LINGO2: variants seen among roughly 807,000 people sequenced by gnomAD.
LINGO2 encodes leucine rich repeat and Ig domain containing 2, also known as leucine-rich repeat and immunoglobulin-like domain-containing nogo receptor-interacting protein 2.
In LINGO2, 14 loss-of-function variants were observed where a neutral mutation model predicts 30.6. That is an observed-to-expected ratio of 0.46 (90% CI 0.30 to 0.72). The LOEUF (loss-of-function observed/expected upper bound fraction) is 0.72, where lower values mean the gene tolerates loss of function less well. Ranked by LOEUF, LINGO2 falls within the 30% of genes least tolerant of loss-of-function variation. The pLI, the probability that LINGO2 is intolerant of heterozygous loss-of-function variation, is 0.07. For missense variants in LINGO2, 729 were observed against 751.7 expected, an observed-to-expected ratio of 0.97 and a Z score of 0.35; for synonymous variants, 317 against 288.5, an observed-to-expected ratio of 1.10 and a Z score of -1.00.
At chr9:28,986,566 T>C in the LINGO2 span, among the ~76,000 whole-genome samples, 3 of 152,034 alleles carry the variant, frequency 2.0e-5, no homozygotes, top group Non-Finnish European at 4.4e-5. Context: ...TGTTTTATAG[T>C]TTTCAATATA....
intron 4 of LINGO2, among the ~76,000 whole-genome samples, chr9:28,140,054 C>A (rs1443114654): frequency 6.6e-6 from 1 of 152,186 alleles, no homozygotes; most frequent in Non-Finnish European, 1.5e-5. Flanking sequence ...ACAAGGTAAC[C>A]TTTGTCCCTC....
At chr9:29,142,614 A>G in the LINGO2 span, among the ~76,000 whole-genome samples, 11 of 151,932 alleles carry the variant, frequency 7.2e-5, no homozygotes, top group African/African-American at 2.4e-4. Context: ...AGACACTAAT[A>G]TCAACAACTA....
intron 4 of LINGO2, among the ~76,000 whole-genome samples, chr9:28,199,861 C>G (rs917273680): frequency 2.0e-5 from 3 of 151,638 alleles, no homozygotes; most frequent in African/African-American, 7.3e-5. Context: ...ACAATATTAC[C>G]ATCCGATAAT....
At chr9:28,793,766 A>G in the LINGO2 span, among the ~76,000 whole-genome samples, 3 of 152,122 alleles carry the variant, frequency 2.0e-5, no homozygotes, top group African/African-American at 4.8e-5. Context: ...CATAGCAAAG[A>G]TATCACCCTG....
intron 1 of LINGO2, among the ~76,000 whole-genome samples, chr9:28,535,939 A>G (rs1265319720): frequency 1.3e-5 from 2 of 152,232 alleles, no homozygotes; most frequent in Non-Finnish European, 2.9e-5. Flanking sequence ...GGCCTAAGCC[A>G]GACAAGAGAG....
At chr9:29,158,038 G>C in the LINGO2 span, among the ~76,000 whole-genome samples, 2 of 152,014 alleles carry the variant, frequency 1.3e-5, no homozygotes, top group East Asian at 3.9e-4. Context: ...TTTAAAAATT[G>C]TTTATAAGAT....
At chr9:28,069,136 A>G (rs951327928) in intron 4 of LINGO2, among the ~76,000 whole-genome samples, 8 of 152,162 alleles carry the variant, frequency 5.3e-5, no homozygotes, top group Admixed American at 5.2e-4. Flanking sequence ...TCAGGAAAAT[A>G]TTCACTGAGA....
At chr9:28,433,949 C>CTATA (rs375073572) in intron 2 of LINGO2, among the ~76,000 whole-genome samples, 1 of 88,478 alleles carries the variant, frequency 1.1e-5, no homozygotes, top group African/African-American at 4.5e-5. Flanking sequence ...CTCTCTCTCT[C>CTATA]TATATATATA....
chr9:28,649,662 T>C (rs1827998968), intron 1 of LINGO2, among the ~76,000 whole-genome samples: 1 of 152,012 alleles, frequency 6.6e-6, no homozygotes, highest in Non-Finnish European at 1.5e-5. Flanking sequence ...AGTTAAGAAA[T>C]TGTAAAAGCT....
At chr9:28,370,879 A>C (rs1276337679) in intron 3 of LINGO2, among the ~76,000 whole-genome samples, 1 of 152,236 alleles carries the variant, frequency 6.6e-6, no homozygotes, top group Non-Finnish European at 1.5e-5. Context: ...TTTGAAGACA[A>C]AAATGATTAA....
the LINGO2 span, among the ~76,000 whole-genome samples, chr9:28,694,594 GA>G: frequency 6.6e-6 from 1 of 151,922 alleles, no homozygotes; most frequent in Non-Finnish European, 1.5e-5. Context: ...CTACACCTAT[GA>G]GGTAGATAAT....
At chr9:28,775,613 T>G in the LINGO2 span, among the ~76,000 whole-genome samples, 1 of 152,132 alleles carries the variant, frequency 6.6e-6, no homozygotes, top group Admixed American at 6.5e-5. Flanking sequence ...GCCTTAAATA[T>G]TATAAGTCTA....
the LINGO2 span, among the ~76,000 whole-genome samples, chr9:29,163,256 TG>T: frequency 2.0e-4 from 30 of 152,318 alleles, 1 homozygote; most frequent in South Asian, 6.2e-3. Context: ...CAGAAATGTC[TG>T]ATGTATTATT....
At chr9:28,672,478 G>C (rs111895938), upstream of LINGO2, among the ~76,000 whole-genome samples, 46 of 152,170 alleles carry the variant, frequency 3.0e-4, 2 homozygotes, top group African/African-American at 1.0e-3. Flanking sequence ...TAATCAACAA[G>C]ATATGTACAC....
chr9:28,025,810 G>A (rs755059800), intron 4 of LINGO2, among the ~76,000 whole-genome samples: 2 of 152,122 alleles, frequency 1.3e-5, no homozygotes, highest in African/African-American at 2.4e-5. Flanking sequence ...TGAAGATATC[G>A]GTGCCACTGC....
intron 1 of LINGO2, among the ~76,000 whole-genome samples, chr9:28,603,176 C>A (rs991487448): frequency 6.6e-6 from 1 of 152,016 alleles, no homozygotes; most frequent in Non-Finnish European, 1.5e-5. Context: ...ACTTTAAACA[C>A]CCTGATCCTC....
chr9:28,439,702 G>A (rs1352924914), intron 2 of LINGO2, among the ~76,000 whole-genome samples: 1 of 152,094 alleles, frequency 6.6e-6, no homozygotes, highest in Non-Finnish European at 1.5e-5. Flanking sequence ...GGGCTCCCCA[G>A]GCATGGTTCC....
the LINGO2 span, among the ~76,000 whole-genome samples, chr9:28,991,336 A>G: frequency 2.6e-5 from 4 of 151,464 alleles, no homozygotes; most frequent in African/African-American, 9.7e-5. Context: ...AAAGAAACGA[A>G]CAAAGCCTCC....
At chr9:28,771,011 G>A in the LINGO2 span, among the ~76,000 whole-genome samples, 1 of 152,152 alleles carries the variant, frequency 6.6e-6, no homozygotes, top group African/African-American at 2.4e-5. Context: ...TTAGCCAAGT[G>A]CTCAAGGCCA....
Sources: gnomAD v4.1 joint callset for allele counts (sites outside exome capture counted in the v4.1 genomes callset) on GRCh38, gnomAD v4.1.1 for gene constraint, MANE v1.5 for transcripts, NCBI Gene and HGNC (gene_info 2026-07-23, HGNC 2026-07-21) for gene names.